Variants in SUDS3 observed in about 807,000 individuals in gnomAD.
SUDS3 encodes the protein SIN3A corepressor complex component SDS3.
SUDS3 carries 23 observed loss-of-function variants against 53.5 expected under a neutral mutation model. The ratio of observed to expected loss-of-function variants is 0.43; its 90% CI spans 0.31 to 0.61. The LOEUF (loss-of-function observed/expected upper bound fraction) is 0.61. Ranked by LOEUF, SUDS3 falls within the 20% of genes least tolerant of loss-of-function variation. The pLI is 0.10. For missense variants in SUDS3, 291 were observed against 405.9 expected, an observed-to-expected ratio of 0.72 and a Z score of 2.43; for synonymous variants, 150 against 148.5, an observed-to-expected ratio of 1.01 and a Z score of -0.08.
chr12:118,400,854 A>G, intron 7 of SUDS3, 100 bp downstream of exon 7: 1 of 1,109,194 alleles, frequency 9.0e-7, no homozygotes, highest in East Asian at 2.4e-5. Context: ...TGTCCTACAG[A>G]AAATAGTAAC....
chr12:118,377,690 A>AG (rs1194292219), intron 1 of SUDS3, among the ~76,000 whole-genome samples: 1 of 152,130 alleles, frequency 6.6e-6, no homozygotes, highest in African/African-American at 2.4e-5. Context: ...GGAGGGATGG[A>AG]GGAGGAGGAA....
rs1488626843 is a variant in SUDS3, at chr12:118,415,765, A to T, written c.*1332A>T. 6.6e-6 allele frequency: 1 copy of T among 150,704 alleles called. No individual in the cohort carries two copies. Among genetic ancestry groups the T allele is most frequent in the East Asian group, 1.9e-4 (1 of 5,188 alleles). 9.3% of individuals were successfully genotyped at this position (150,704 alleles called of 1,614,324 possible). ...TTCTCTTCATGTTGTCTCTTGATGT[A>T]CATACCCCCAAGCAAGTTGGGGGGA... On this transcript the variant is annotated 3_prime_UTR_variant, in exon 12 of 12. Coordinates refer to ENST00000543473, the MANE Select transcript of SUDS3 (RefSeq NM_022491.3).
At chr12:118,380,913 C>T (rs1223249609) in intron 2 of SUDS3, among the ~76,000 whole-genome samples, 1 of 152,186 alleles carries the variant, frequency 6.6e-6, no homozygotes, top group Non-Finnish European at 1.5e-5. Context: ...CCATGTTGGC[C>T]AGGCTGGTCT....
At chr12:118,412,731 C>T (rs2046369590) in intron 11 of SUDS3, among the ~76,000 whole-genome samples, 1 of 152,018 alleles carries the variant, frequency 6.6e-6, no homozygotes, top group Non-Finnish European at 1.5e-5. Flanking sequence ...CAAGATTTTT[C>T]AGAAAAATAT....
chr12:118,388,910 A>T (rs1363971013), intron 4 of SUDS3, among the ~76,000 whole-genome samples: 1 of 152,170 alleles, frequency 6.6e-6, no homozygotes, highest in Admixed American at 6.5e-5. Context: ...GCACTCTGGG[A>T]GGCTGAGGCT....
chr12:118,392,684 C>T (rs140283050), intron 6 of SUDS3, among the ~76,000 whole-genome samples: 1 of 152,222 alleles, frequency 6.6e-6, no homozygotes, highest in Non-Finnish European at 1.5e-5. Flanking sequence ...ACACCATTTT[C>T]TCTGACAGTG....
In SUDS3 at chr12:118,384,016, T is replaced by C; in HGVS notation, c.217T>C (p.Tyr73His). The C allele has an allele frequency of 6.2e-7, 1 of 1,613,222 alleles. No individual in the cohort carries two copies. Among genetic ancestry groups the C allele is most frequent in the Non-Finnish European group, 8.5e-7 (1 of 1,179,534 alleles). Residue 73 changes from tyrosine (Y) to histidine (H), a missense_variant, in exon 3 of 12, where the codon TAT (tyrosine) becomes CAT (histidine). Tyr to His is a moderately conservative substitution (Grantham distance 83, BLOSUM62 2). Transcript: ENST00000543473. ...GTGACTTTTTTTTTTTTATAGGATGTATCAGGACAAACTGGCTTCTCTCAA... is the reference window on the plus strand; with the variant it reads ...GTGACTTTTTTTTTTTTATAGGATGCATCAGGACAAACTGGCTTCTCTCAA... ...EDYVEMKEQM[Y>H]QDKLASLKRQ...
intron 7 of SUDS3, 60 bp from the exon 8 acceptor site, chr12:118,401,699 G>A (rs1372057424): frequency 7.4e-7 from 1 of 1,360,042 alleles, no homozygotes; most frequent in East Asian, 2.3e-5. Flanking sequence ...GTACCATTGT[G>A]TTGATTACTC....
At chr12:118,412,990 G>A (rs943808412) in intron 11 of SUDS3, among the ~76,000 whole-genome samples, 1 of 152,214 alleles carries the variant, frequency 6.6e-6, no homozygotes, top group Non-Finnish European at 1.5e-5. Flanking sequence ...AGCATAGCTT[G>A]ACTCCAAGCA....
In SUDS3 at chr12:118,391,178, A is replaced by G; in HGVS notation, c.413A>G (p.Glu138Gly). ...AAAGAAAAGAAGGCAGCAGTGAAAG[A>G]ATTTGAAGACAAGAAGGTTGAGCTG... is the stretch of plus-strand genomic sequence containing the variant. ...YIKEKKAAVK[E>G]FEDKKVELKE... Residue 138 changes from glutamate (E) to glycine (G), a missense_variant, in exon 6 of 12, where the codon GAA (glutamate) becomes GGA (glycine). By Grantham distance (98) the Glu-to-Gly change is moderately conservative. This residue lies in a region of SUDS3 where 55 missense variants were observed against 124.2 expected (regional missense o/e 0.44). Coordinates refer to ENST00000543473, the MANE Select transcript of SUDS3 (RefSeq NM_022491.3). 1 of 1,613,860 alleles carries G rather than the reference A, an allele frequency of 6.2e-7. No homozygotes were observed. Among genetic ancestry groups the G allele is most frequent in the Non-Finnish European group, 8.5e-7 (1 of 1,179,864 alleles).
At chr12:118,378,231 C>T (rs1364250964) in intron 1 of SUDS3, among the ~76,000 whole-genome samples, 1 of 152,194 alleles carries the variant, frequency 6.6e-6, no homozygotes, top group Non-Finnish European at 1.5e-5. Flanking sequence ...CTGGCCTCCT[C>T]CTTGTTCCCT....
intron 11 of SUDS3, among the ~76,000 whole-genome samples, chr12:118,413,189 T>G (rs553791796): frequency 6.6e-6 from 1 of 152,352 alleles, no homozygotes; most frequent in South Asian, 2.1e-4. Context: ...AATAATCACA[T>G]TAAAGAAATT....
At chr12:118,395,779 CCTCCTGGGTTCAAGCGATT>C (rs1477337182) in intron 6 of SUDS3, among the ~76,000 whole-genome samples, 2 of 152,040 alleles carry the variant, frequency 1.3e-5, no homozygotes, top group African/African-American at 4.8e-5. Context: ...GTACCCTCTG[CCTCCTGGGTTCAAGCGATT>C]CTCCTGCCTC....
chr12:118,389,791 A>G (rs1264791125), intron 4 of SUDS3, 136 bp from the exon 5 acceptor site: 11 of 1,058,642 alleles, frequency 1.0e-5, no homozygotes, highest in African/African-American at 7.8e-5. Context: ...GTGTATATCA[A>G]CATTTCACTG....
At chr12:118,380,121 AT>A (rs1277151385) in intron 1 of SUDS3, 40 bp from the exon 2 acceptor site, 2 of 1,542,658 alleles carry the variant, frequency 1.3e-6, no homozygotes. Context: ...AACTCCGTGA[AT>A]TATGATTTTA....
Position 118,376,805 on chromosome 12 carries a change from C to T in SUDS3, c.114C>T (p.Arg38=), listed in dbSNP as rs1450319764. 1 of 1,551,488 alleles carries T rather than the reference C, an allele frequency of 6.4e-7. No homozygotes were observed. Among genetic ancestry groups the T allele is most frequent in the South Asian group, 1.2e-5 (1 of 83,968 alleles). ...TGGAGAGCGCCGAGGACGACGAGCGCAGCTGTCGGGGCCGCGAGTCGGACG... is the reference window on the plus strand; with the variant it reads ...TGGAGAGCGCCGAGGACGACGAGCGTAGCTGTCGGGGCCGCGAGTCGGACG... ...EELESAEDDE[R]SCRGRESDED... The change falls in exon 1 of 12, where the codon CGC becomes CGT. Residue 38 remains arginine (R), a synonymous_variant. Coordinates refer to ENST00000543473, the MANE Select transcript of SUDS3 (RefSeq NM_022491.3).
chr12:118,387,547 C>T (rs1268565262), intron 4 of SUDS3, among the ~76,000 whole-genome samples: 1 of 151,356 alleles, frequency 6.6e-6, no homozygotes, highest in African/African-American at 2.4e-5. Flanking sequence ...CAATCATGTC[C>T]TCATGTGTTC....
In SUDS3 at chr12:118,403,534, C is replaced by G; in HGVS notation, c.803+17C>G. The G allele has an allele frequency of 6.3e-7, 1 of 1,597,940 alleles. No individual in the cohort carries two copies. The highest frequency in any genetic ancestry group is 8.6e-7 in the Non-Finnish European group (1 of 1,169,416). Reference sequence around the variant, plus strand: ...CAAAAGATGGTATGTTATGGGAAAACCTGGACTAGTAAGAGTCTCATATGA... The same window carrying G: ...CAAAAGATGGTATGTTATGGGAAAAGCTGGACTAGTAAGAGTCTCATATGA... On this transcript the variant is annotated intron_variant, in intron 10 of 11. Coordinates refer to ENST00000543473, the MANE Select transcript of SUDS3 (RefSeq NM_022491.3).
chr12:118,381,293 C>T (rs1326946735), intron 2 of SUDS3, among the ~76,000 whole-genome samples: 1 of 152,016 alleles, frequency 6.6e-6, no homozygotes, highest in Non-Finnish European at 1.5e-5. Context: ...CAACCTCCAC[C>T]TCCCAGGTTC....
Sources: gnomAD v4.1 joint callset for allele counts (sites outside exome capture counted in the v4.1 genomes callset) on GRCh38, gnomAD v4.1.1 for gene constraint, gnomAD v4.1.1 regional missense constraint, MANE v1.5 for transcripts, NCBI Gene and HGNC (gene_info 2026-07-23, HGNC 2026-07-21) for gene names.